The following ST8SIA6 variants were observed in gnomAD, a reference collection of about 807,000 sequenced individuals.
The protein encoded by ST8SIA6 is alpha-2,8-sialyltransferase 8F.
Under a neutral mutation model 33.6 loss-of-function variants are expected in ST8SIA6, and 39 were observed. The ratio of observed to expected loss-of-function variants is 1.16; its 90% CI spans 0.90 to 1.52. The LOEUF is 1.52. Ranked by LOEUF, ST8SIA6 falls within the 40% of genes most tolerant of loss-of-function variation. ST8SIA6 has a pLI of 0.00. For synonymous variants in ST8SIA6, 172 were observed against 167.2 expected (o/e 1.03, Z -0.22); for missense variants, 441 against 443.8 (o/e 0.99, Z 0.06).
intron 2 of ST8SIA6, among the ~76,000 whole-genome samples, chr10:17,446,372 A>C (rs1220753421): frequency 6.6e-6 from 1 of 152,256 alleles, no homozygotes; most frequent in African/African-American, 2.4e-5. Context: ...CCCTTGGTGG[A>C]CTCAATGAAA....
chr10:17,446,221 C>T (rs72778947), intron 2 of ST8SIA6, among the ~76,000 whole-genome samples: 3 of 151,168 alleles, frequency 2.0e-5, no homozygotes, highest in Admixed American at 1.3e-4. Flanking sequence ...ACATCTAGGT[C>T]GAAAACAAAC....
rs71393004 is a variant in ST8SIA6 at position 17,341,900 on chromosome 10, C to CAA, written c.378-10350_378-10349dup. 5.2e-3 allele frequency among the ~76,000 whole-genome samples: 383 copies of CAA among 73,076 alleles called. 12 individuals are homozygous for CAA. The highest frequency in any genetic ancestry group is 0.018 in the African/African-American group (315 of 17,684). The allele number at this position is 73,076 out of a possible 152,430, so 47.9% of individuals were successfully genotyped here. A position where few individuals can be genotyped will look rare whatever the true frequency, so the allele number is the denominator to read the frequency against. On this transcript the variant is annotated intron_variant, in intron 4 of 7. Transcript: ENST00000377602. ...TGGGCAACAGAGCAAGGCTCCATCT[C>CAA]AAAAAAAAAAAAAAAAAAAAACAAA...
chr10:17,440,313 C>T (rs1282296785), intron 2 of ST8SIA6, among the ~76,000 whole-genome samples: 1 of 151,158 alleles, frequency 6.6e-6, no homozygotes, highest in African/African-American at 2.4e-5. Flanking sequence ...TCAAGCAATT[C>T]TCCTGCCTCA....
chr10:17,343,789 G>A (rs1425300799), intron 4 of ST8SIA6, among the ~76,000 whole-genome samples: 1 of 152,146 alleles, frequency 6.6e-6, no homozygotes, highest in African/African-American at 2.4e-5. Context: ...GAAAGTGCCC[G>A]GAAAGAGAGA....
chr10:17,437,691 C>CCCTTCCCTT (rs549453597), intron 2 of ST8SIA6, among the ~76,000 whole-genome samples: 59 of 141,166 alleles, frequency 4.2e-4, no homozygotes, highest in Middle Eastern at 3.4e-3. Context: ...TTCTCTTTCT[C>CCCTTCCCTT]CCTTCCCTTC....
intron 3 of ST8SIA6, among the ~76,000 whole-genome samples, chr10:17,382,072 T>A (rs974322182): frequency 6.6e-6 from 1 of 152,198 alleles, no homozygotes; most frequent in Non-Finnish European, 1.5e-5. Flanking sequence ...TAACTTTAAA[T>A]CATGACTATC....
chr10:17,342,285 C>G (rs569568650), intron 4 of ST8SIA6, among the ~76,000 whole-genome samples: 6 of 152,274 alleles, frequency 3.9e-5, no homozygotes, highest in East Asian at 1.9e-4. Flanking sequence ...GAGACAGACA[C>G]AAAGCATCAC....
chr10:17,443,709 C>T (rs1269272971), intron 2 of ST8SIA6, among the ~76,000 whole-genome samples: 1 of 152,194 alleles, frequency 6.6e-6, no homozygotes, highest in Non-Finnish European at 1.5e-5. Context: ...ATGGGCTTTG[C>T]TGCCCTGGAC....
intron 2 of ST8SIA6, among the ~76,000 whole-genome samples, chr10:17,417,213 A>G (rs888623805): frequency 1.3e-5 from 2 of 152,142 alleles, no homozygotes; most frequent in Non-Finnish European, 1.5e-5. Context: ...AACTCAGAGA[A>G]TAAGAACTCA....
At chr10:17,336,117 G>A (rs59985753) in intron 4 of ST8SIA6, among the ~76,000 whole-genome samples, 17,926 of 151,824 alleles carry the variant, frequency 0.12, 1,120 homozygotes, top group South Asian at 0.18. Context: ...CGACACGCCC[G>A]GCTTATGTTT....
At chr10:17,334,558 A>G (rs1848445093) in intron 4 of ST8SIA6, among the ~76,000 whole-genome samples, 1 of 149,016 alleles carries the variant, frequency 6.7e-6, no homozygotes, top group African/African-American at 2.4e-5. Context: ...AAAAATTATT[A>G]TTATTATTAT....
At chr10:17,419,488 C>T (rs1017155769) in intron 2 of ST8SIA6, among the ~76,000 whole-genome samples, 4 of 151,966 alleles carry the variant, frequency 2.6e-5, no homozygotes, top group Non-Finnish European at 4.4e-5. Context: ...CATGTTTGTG[C>T]CACTGCACTC....
In ST8SIA6 at chr10:17,320,646, T is replaced by C; in HGVS notation, c.*232A>G. On this transcript the variant is annotated 3_prime_UTR_variant, in exon 8 of 8. Transcript: ENST00000377602. Reference sequence around the variant, plus strand: ...AGGCCATGCCAATAATTTTCATAAATTATAAAAATTTGTATGAGTCAGATA... The same window carrying C: ...AGGCCATGCCAATAATTTTCATAAACTATAAAAATTTGTATGAGTCAGATA... 1 of 512,774 alleles carries C rather than the reference T, an allele frequency of 2.0e-6. No homozygotes were observed. The highest frequency in any genetic ancestry group is 3.2e-5 in the East Asian group (1 of 30,866). 31.8% of individuals were successfully genotyped at this position (512,774 alleles called of 1,614,324 possible). A position where few individuals can be genotyped will look rare whatever the true frequency, so the allele number is the denominator to read the frequency against.
intron 2 of ST8SIA6, among the ~76,000 whole-genome samples, chr10:17,431,904 G>C (rs1230687727): frequency 6.6e-6 from 1 of 150,998 alleles, no homozygotes; most frequent in African/African-American, 2.5e-5. Flanking sequence ...AAATATATGT[G>C]GTGTCATATG....
Position 17,415,437 on chromosome 10 carries a change from A to C in ST8SIA6, c.201-24817T>G, listed in dbSNP as rs1360085861. On this transcript the variant is annotated intron_variant, in intron 2 of 7. Transcript: ENST00000377602. The stretch of plus-strand genomic sequence containing the variant: ...CAGGAAAAGAAGACTAGAATTGATG[A>C]CACACCAGGAGTCCAGATGGGCTTT... Among the ~76,000 whole-genome samples, 6 of 152,270 alleles carry C rather than the reference A, an allele frequency of 3.9e-5. No individual in the cohort carries two copies. In the East Asian group the frequency reaches 1.2e-3, roughly 29 times the overall value.
chr10:17,382,254 A>ATT (rs34107961), intron 3 of ST8SIA6, among the ~76,000 whole-genome samples: 9 of 150,752 alleles, frequency 6.0e-5, no homozygotes, highest in Non-Finnish European at 4.4e-5. Context: ...TTCAGTGATA[A>ATT]TTTTTTTTTT....
intron 7 of ST8SIA6, 114 bp from the exon 8 acceptor site, chr10:17,321,460 G>T: frequency 1.2e-6 from 1 of 832,072 alleles, no homozygotes; most frequent in Non-Finnish European, 1.8e-6. Context: ...TTTGTATACT[G>T]TATATAAAAC....
chr10:17,399,728 GT>G (rs1850965037), intron 2 of ST8SIA6, among the ~76,000 whole-genome samples: 1 of 151,692 alleles, frequency 6.6e-6, no homozygotes, highest in Non-Finnish European at 1.5e-5. Flanking sequence ...ACCAGCCTGG[GT>G]AACATAGTGA....
chr10:17,423,022 T>G (rs1011141099), intron 2 of ST8SIA6, among the ~76,000 whole-genome samples: 2 of 152,210 alleles, frequency 1.3e-5, no homozygotes, highest in African/African-American at 4.8e-5. Flanking sequence ...TAAATGTGCA[T>G]GGGTGCAATT....
Sources: gnomAD v4.1 joint callset for allele counts (sites outside exome capture counted in the v4.1 genomes callset) on GRCh38, gnomAD v4.1.1 for gene constraint, MANE v1.5 for transcripts, NCBI Gene and HGNC (gene_info 2026-07-23, HGNC 2026-07-21) for gene names.